Variants in CLVS1 observed in about 807,000 individuals in gnomAD.
CLVS1 encodes clavesin-1.
A neutral mutation model predicts 33.1 loss-of-function variants in CLVS1; 10 were observed. That is an observed-to-expected ratio of 0.30 (90% confidence interval 0.19 to 0.51). The LOEUF (loss-of-function observed/expected upper bound fraction) is 0.51. Ranked by LOEUF, CLVS1 falls within the 20% of genes least tolerant of loss-of-function variation. The probability of loss-of-function intolerance (pLI) is 0.97; values close to 1 mark genes in which losing one functional copy is unlikely to be tolerated. For missense variants in CLVS1, 343 were observed against 433.4 expected, an observed-to-expected ratio of 0.79 and a Z score of 1.85; for synonymous variants, 163 against 166.1, an observed-to-expected ratio of 0.98 and a Z score of 0.14.
chr8:61,179,701 C>T (rs899353191), intron 2 of CLVS1, among the ~76,000 whole-genome samples: 4 of 152,184 alleles, frequency 2.6e-5, no homozygotes, highest in African/African-American at 7.2e-5. Flanking sequence ...CTCAAAACCA[C>T]ACAACTACAT....
At chr8:61,340,229 G>A (rs1585826482) in intron 2 of CLVS1, among the ~76,000 whole-genome samples, 1 of 152,102 alleles carries the variant, frequency 6.6e-6, no homozygotes, top group African/African-American at 2.4e-5. Context: ...TACTTTCTTG[G>A]CAATTTTCAA....
At chr8:61,395,304 G>T (rs1233240941) in intron 3 of CLVS1, among the ~76,000 whole-genome samples, 1 of 152,168 alleles carries the variant, frequency 6.6e-6, no homozygotes, top group Non-Finnish European at 1.5e-5. Flanking sequence ...CTGGGGGAGA[G>T]GGGGAGGAAT....
At chr8:61,328,716 G>A (rs1811479335) in intron 2 of CLVS1, among the ~76,000 whole-genome samples, 1 of 152,116 alleles carries the variant, frequency 6.6e-6, no homozygotes, top group South Asian at 2.1e-4. Context: ...TCTCATCTGT[G>A]TTTTCATGTT....
chr8:61,149,498 G>A (rs529800964), intron 2 of CLVS1, among the ~76,000 whole-genome samples: 1 of 140,626 alleles, frequency 7.1e-6, no homozygotes, highest in African/African-American at 2.7e-5. Flanking sequence ...GTTTCAGTGG[G>A]CCAAGATCAC....
chr8:61,404,999 T>A (rs993232214), intron 3 of CLVS1, among the ~76,000 whole-genome samples: 4 of 152,194 alleles, frequency 2.6e-5, no homozygotes, highest in African/African-American at 7.2e-5. Context: ...GAACCAACTG[T>A]GGCTCCACTC....
chr8:61,033,041 G>GAA, the CLVS1 span, among the ~76,000 whole-genome samples: 1 of 99,814 alleles, frequency 1.0e-5, no homozygotes, highest in South Asian at 3.4e-4. Flanking sequence ...AAGAAAGAAA[G>GAA]AAAGAAAAAG....
chr8:61,022,187 C>A, the CLVS1 span, among the ~76,000 whole-genome samples: 2 of 152,214 alleles, frequency 1.3e-5, no homozygotes, highest in Non-Finnish European at 1.5e-5. Context: ...CACATCCTCA[C>A]GGCATCTGAA....
intron 2 of CLVS1, among the ~76,000 whole-genome samples, chr8:61,336,953 A>G (rs1811830370): frequency 6.6e-6 from 1 of 152,236 alleles, no homozygotes; most frequent in South Asian, 2.1e-4. Flanking sequence ...AAAAAGAGCC[A>G]ATTGGGAAAC....
At chr8:61,305,991 C>T (rs185468505) in intron 2 of CLVS1, among the ~76,000 whole-genome samples, 1 of 152,146 alleles carries the variant, frequency 6.6e-6, no homozygotes, top group South Asian at 2.1e-4. Flanking sequence ...AATAGTGCTG[C>T]AATGAACATA....
intron 2 of CLVS1, among the ~76,000 whole-genome samples, chr8:61,273,355 T>C (rs559433146): frequency 1.3e-5 from 2 of 152,300 alleles, no homozygotes; most frequent in East Asian, 3.9e-4. Flanking sequence ...CGTTCTCAGA[T>C]CTCCAGCTGC....
At chr8:61,000,356 T>C in the CLVS1 span, among the ~76,000 whole-genome samples, 1 of 152,050 alleles carries the variant, frequency 6.6e-6, no homozygotes, top group Non-Finnish European at 1.5e-5. Flanking sequence ...CATGGAATGA[T>C]TGTAGTTGAT....
intron 3 of CLVS1, among the ~76,000 whole-genome samples, chr8:61,397,548 T>G (rs1436983321): frequency 2.6e-5 from 4 of 152,216 alleles, no homozygotes; most frequent in African/African-American, 9.6e-5. Context: ...TTATGTATTT[T>G]GTTGTTGCTA....
At chr8:61,041,533 A>T in the CLVS1 span, among the ~76,000 whole-genome samples, 1 of 151,908 alleles carries the variant, frequency 6.6e-6, no homozygotes, top group Non-Finnish European at 1.5e-5. Flanking sequence ...TCTTGTAGAG[A>T]TCTTTTACCT....
At chr8:61,214,263 T>C (rs1356530268) in intron 2 of CLVS1, among the ~76,000 whole-genome samples, 1 of 152,174 alleles carries the variant, frequency 6.6e-6, no homozygotes, top group African/African-American at 2.4e-5. Context: ...AAGTACTTGA[T>C]GTCTGTGACC....
At chr8:61,351,195 A>C (rs1812442049) in intron 2 of CLVS1, among the ~76,000 whole-genome samples, 1 of 152,142 alleles carries the variant, frequency 6.6e-6, no homozygotes. Flanking sequence ...GAAACAAATA[A>C]AATATTAGAA....
chr8:60,975,834 A>C, the CLVS1 span, among the ~76,000 whole-genome samples: 4 of 152,190 alleles, frequency 2.6e-5, no homozygotes, highest in African/African-American at 9.7e-5. Flanking sequence ...GTTGTGCTGG[A>C]GTAAAGAACC....
At chr8:61,150,697 G>A (rs1476510418) in intron 2 of CLVS1, among the ~76,000 whole-genome samples, 1 of 152,184 alleles carries the variant, frequency 6.6e-6, no homozygotes, top group East Asian at 1.9e-4. Context: ...TCCTTGCCTA[G>A]GTAGCATCCA....
the CLVS1 span, among the ~76,000 whole-genome samples, chr8:61,046,170 G>A: frequency 1.4e-5 from 2 of 145,688 alleles, no homozygotes; most frequent in South Asian, 4.6e-4. Context: ...TTTGTATAAG[G>A]TGTAAGGAAG....
At chr8:61,460,602 G>C (rs765669521) in intron 5 of CLVS1, among the ~76,000 whole-genome samples, 2 of 152,190 alleles carry the variant, frequency 1.3e-5, no homozygotes, top group Non-Finnish European at 2.9e-5. Context: ...CAGGAACATT[G>C]TCATGGTGCA....
Sources: allele counts gnomAD v4.1 joint callset (sites outside exome capture counted in the v4.1 genomes callset), GRCh38; gene constraint gnomAD v4.1.1; transcripts MANE v1.5; gene names NCBI Gene and HGNC (gene_info 2026-07-23, HGNC 2026-07-21).